Variants in WAC observed in about 807,000 individuals in gnomAD.
WAC encodes WW domain-containing adapter protein with coiled-coil.
In WAC, 11 loss-of-function variants were observed where a neutral mutation model predicts 79.6. The observed-to-expected ratio is 0.14, with a 90% CI of 0.09 to 0.23. The LOEUF (loss-of-function observed/expected upper bound fraction) is 0.23. Ranked by LOEUF, WAC falls within the 10% of genes least tolerant of loss-of-function variation. The pLI, the probability that WAC is intolerant of heterozygous loss-of-function variation, is 1.00. For synonymous variants in WAC, 304 were observed against 276.9 expected, an observed-to-expected ratio of 1.10 and a Z score of -0.97; for missense variants, 728 against 773.5, an observed-to-expected ratio of 0.94 and a Z score of 0.70.
chr10:28,608,826 A>C (rs1564417212), intron 8 of WAC, among the ~76,000 whole-genome samples: 1 of 152,324 alleles, frequency 6.6e-6, no homozygotes, highest in Non-Finnish European at 1.5e-5. Context: ...AGAATATTTA[A>C]AATATGCTAA....
At chr10:28,606,469 A>G (rs1412741401) in intron 7 of WAC, among the ~76,000 whole-genome samples, 1 of 152,234 alleles carries the variant, frequency 6.6e-6, no homozygotes, top group African/African-American at 2.4e-5. Flanking sequence ...TTAAAAGTGT[A>G]TACCCTTACG....
At chr10:28,533,805 C>T (rs1836431919) in intron 1 of WAC, 185 bp downstream of exon 1, 1 of 1,000,780 alleles carries the variant, frequency 1.0e-6, no homozygotes, top group Non-Finnish European at 1.4e-6. Flanking sequence ...GAGCGGGGGC[C>T]CGGCTTCGCG....
chr10:28,573,682 T>C (rs1839094848), intron 3 of WAC, among the ~76,000 whole-genome samples: 1 of 152,212 alleles, frequency 6.6e-6, no homozygotes, highest in African/African-American at 2.4e-5. Context: ...GTATAGTAGA[T>C]TGCTTTTTTT....
intron 3 of WAC, among the ~76,000 whole-genome samples, chr10:28,545,523 T>C (rs1349787707): frequency 6.6e-6 from 1 of 152,170 alleles, no homozygotes; most frequent in Non-Finnish European, 1.5e-5. Flanking sequence ...AACACTGGGT[T>C]AATTTAAGTA....
In WAC at chr10:28,533,215, A is replaced by AGCAGCG. The variant is rs1337760157; in HGVS notation, c.-362_-357dup. On this transcript the variant is annotated 5_prime_UTR_variant, in exon 1 of 14. Transcript: ENST00000354911. ...AGGAGAAGAAGGACCAGGCGGCGGC[A>AGCAGCG]GCAGCGGCGGCGGCGGGGGGAGGAG... is the stretch of plus-strand genomic sequence containing the variant. 1.2e-5 allele frequency: 2 copies of AGCAGCG among 169,086 alleles called. No individual in the cohort carries two copies. Among genetic ancestry groups the AGCAGCG allele is most frequent in the African/African-American group, 4.9e-5 (2 of 41,048 alleles). 10.5% of individuals were successfully genotyped at this position (169,086 alleles called of 1,614,324 possible). A position where few individuals can be genotyped will look rare whatever the true frequency, so the allele number is the denominator to read the frequency against.
At chr10:28,588,383 TAA>T (rs1839926720) in intron 4 of WAC, among the ~76,000 whole-genome samples, 1 of 152,210 alleles carries the variant, frequency 6.6e-6, no homozygotes, top group Admixed American at 6.5e-5. Context: ...CCTGAGCATA[TAA>T]ATACATGGCA....
chr10:28,621,317 A>G lies in WAC; in HGVS notation c.*1711A>G, dbSNP rs1222626108. On this transcript the variant is annotated 3_prime_UTR_variant, in exon 14 of 14. Transcript: ENST00000354911. ...GTTAGACATCAATGTCAATGTTACTACATTCTCGGATGCTAACATAAATTT... is the reference window on the plus strand; with the variant it reads ...GTTAGACATCAATGTCAATGTTACTGCATTCTCGGATGCTAACATAAATTT... 2.0e-5 allele frequency: 3 copies of G among 149,750 alleles called. No homozygotes were observed. The highest frequency in any genetic ancestry group is 1.3e-4 in the Admixed American group (2 of 14,900). The allele number at this position is 149,750 out of a possible 1,614,324, so 9.3% of individuals were successfully genotyped here.
intron 7 of WAC, 113 bp downstream of exon 7, chr10:28,596,154 G>A (rs1354747324): frequency 2.5e-6 from 3 of 1,180,838 alleles, no homozygotes; most frequent in African/African-American, 3.1e-5. Flanking sequence ...TTTTAAAAAA[G>A]TCTTTTAGAA....
At chr10:28,587,009 C>T (rs1369589817) in intron 4 of WAC, among the ~76,000 whole-genome samples, 2 of 152,050 alleles carry the variant, frequency 1.3e-5, no homozygotes, top group East Asian at 3.9e-4. Flanking sequence ...CACCTGTAGT[C>T]CTGGCTACTC....
At chr10:28,615,994 G>GT (rs1841450443) in intron 11 of WAC, 179 bp from the exon 12 acceptor site, 2 of 489,774 alleles carry the variant, frequency 4.1e-6, no homozygotes, top group East Asian at 6.4e-5. Context: ...CCCCTAAAGT[G>GT]TTTTGAGGAA....
chr10:28,619,686 T>A lies in WAC; in HGVS notation c.*80T>A. 1 of 1,249,410 alleles carries A rather than the reference T, an allele frequency of 8.0e-7. No homozygotes were observed. Among genetic ancestry groups the A allele is most frequent in the Non-Finnish European group, 1.1e-6 (1 of 911,482 alleles). The allele number at this position is 1,249,410 out of a possible 1,614,324, so 77.4% of individuals were successfully genotyped here. On this transcript the variant is annotated 3_prime_UTR_variant, in exon 14 of 14. Coordinates refer to ENST00000354911, the MANE Select transcript of WAC (RefSeq NM_016628.5). ...AATCTTAACATTTTTGAGCTGCATT[T>A]AAGTAGACTTTGGACCGTTAAGCTG...
intron 3 of WAC, among the ~76,000 whole-genome samples, chr10:28,570,894 TG>T (rs1292107551): frequency 6.6e-6 from 1 of 151,316 alleles, no homozygotes; most frequent in African/African-American, 2.4e-5. Context: ...ATTAGATAAC[TG>T]TTTTTCTAGA....
At chr10:28,580,255 T>C (rs332146) in intron 3 of WAC, among the ~76,000 whole-genome samples, 126,741 of 151,960 alleles carry the variant, frequency 0.83, 52,935 homozygotes, top group East Asian at 0.94. Flanking sequence ...TGGTAACTTC[T>C]GTCAGGCTGG....
At chr10:28,567,915 G>A (rs935842873) in intron 3 of WAC, among the ~76,000 whole-genome samples, 12 of 152,070 alleles carry the variant, frequency 7.9e-5, no homozygotes, top group African/African-American at 2.7e-4. Flanking sequence ...CCACCACACC[G>A]TTGTAGAGAT....
At chr10:28,544,792 G>A (rs529586039) in intron 3 of WAC, among the ~76,000 whole-genome samples, 16 of 152,114 alleles carry the variant, frequency 1.1e-4, no homozygotes, top group Admixed American at 5.2e-4. Flanking sequence ...GGCCAGGCGC[G>A]GTGGCTCACG....
At position 28,589,835 on chromosome 10, in the gene WAC, A is replaced by G; in HGVS notation, c.481A>G (p.Lys161Glu). 4 of 1,611,454 alleles carry G rather than the reference A, an allele frequency of 2.5e-6. No homozygotes were observed. Among genetic ancestry groups the G allele is most frequent in the Non-Finnish European group, 3.4e-6 (4 of 1,177,762 alleles). ...AGAAGTTTCACAATGGGAAAAACCA[A>G]AAGAGTGGCTTGAAAGGTAATTAGC... is the stretch of plus-strand genomic sequence containing the variant. ...RTEVSQWEKP[K>E]EWLEREQRQK... Residue 161 changes from lysine to glutamate, a missense_variant, in exon 5 of 14, where the codon AAA becomes GAA. By Grantham distance (56) the Lys-to-Glu change is moderately conservative. Transcript: ENST00000354911.
At chr10:28,588,357 T>C (rs769551310) in intron 4 of WAC, among the ~76,000 whole-genome samples, 18 of 152,166 alleles carry the variant, frequency 1.2e-4, no homozygotes, top group Non-Finnish European at 2.2e-4. Context: ...CCACCCTCAT[T>C]ATTTTGGGAT....
At chr10:28,546,728 T>C (rs1837366152) in intron 3 of WAC, among the ~76,000 whole-genome samples, 1 of 152,188 alleles carries the variant, frequency 6.6e-6, no homozygotes. Flanking sequence ...CCCCTTTGAG[T>C]TTGACCAATT....
Position 28,535,648 on chromosome 10 carries a change from A to G in WAC, c.165A>G (p.Pro55=). 6.2e-7 allele frequency: 1 copy of G among 1,614,168 alleles called. No homozygotes were observed. The highest frequency in any genetic ancestry group is 8.5e-7 in the Non-Finnish European group (1 of 1,180,028). Residue 55 remains proline, a synonymous_variant, in exon 3 of 14, where the codon CCA becomes CCG. Coordinates refer to ENST00000354911, the MANE Select transcript of WAC (RefSeq NM_016628.5). ...KMRDAGDPSP[P]NKMLRRSDSP... ...GAGACGCCGGAGATCCTTCACCACC[A>G]AATAAAATGTTGCGGAGATCTGATA...
Sources: allele counts gnomAD v4.1 joint callset (sites outside exome capture counted in the v4.1 genomes callset), GRCh38; gene constraint gnomAD v4.1.1; transcripts MANE v1.5; gene names NCBI Gene and HGNC (gene_info 2026-07-23, HGNC 2026-07-21).